The following RIIAD1 variants were observed in gnomAD, a reference collection of about 807,000 sequenced individuals.
The protein encoded by RIIAD1 is regulatory subunit of type II PKA R-subunit domain containing 1.
RIIAD1 carries 15 observed loss-of-function variants against 13.3 expected under a neutral mutation model. The ratio of observed to expected loss-of-function variants is 1.13; its 90% CI spans 0.76 to 1.74. The LOEUF (loss-of-function observed/expected upper bound fraction) is 1.74. Ranked by LOEUF, RIIAD1 falls within the 40% of genes most tolerant of loss-of-function variation. The pLI, the probability that RIIAD1 is intolerant of heterozygous loss-of-function variation, is 0.00. For missense variants in RIIAD1, 121 were observed against 112.2 expected, an observed-to-expected ratio of 1.08 and a Z score of -0.35; for synonymous variants, 50 against 43.3, an observed-to-expected ratio of 1.16 and a Z score of -0.61.
At chr1:151,721,103 C>G (rs1673725930), upstream of RIIAD1, among the ~76,000 whole-genome samples, 1 of 152,034 alleles carries the variant, frequency 6.6e-6, no homozygotes, top group South Asian at 2.1e-4. Flanking sequence ...TTGAAGAATC[C>G]ACGGCTCCAG....
chr1:151,714,294 C>T lies in RIIAD1; in HGVS notation c.-89-126C>T, dbSNP rs1673272120. 10 of 579,594 alleles carry T rather than the reference C, an allele frequency of 1.7e-5. No individual in the cohort carries two copies. In the Admixed American group the frequency reaches 2.7e-4, roughly 16 times the overall value. 35.9% of individuals were successfully genotyped at this position (579,594 alleles called of 1,614,324 possible). On this transcript the variant is annotated intron_variant, in intron 3 of 8. Coordinates refer to the RIIAD1 transcript ENST00000326413. Reference sequence around the variant, plus strand: ...GGTGTCCAGAGACTTTTCCCCACACCTTCCAACCAGCGAGTCCTCCCTCTA... The same window carrying T: ...GGTGTCCAGAGACTTTTCCCCACACTTTCCAACCAGCGAGTCCTCCCTCTA...
Position 151,721,632 on chromosome 1 carries a change from C to T in RIIAD1, c.84+12C>T. Reference sequence around the variant, plus strand: ...TGCGAAAATTCAAGGTGGGTGCGCCCGCGCCCCCATCCAGCGTCCACCAAA... The same window carrying T: ...TGCGAAAATTCAAGGTGGGTGCGCCTGCGCCCCCATCCAGCGTCCACCAAA... On this transcript the variant is annotated intron_variant, in intron 1 of 4. Coordinates refer to ENST00000479191, the MANE Select transcript of RIIAD1 (RefSeq NM_001144956.3). The T allele has an allele frequency of 1.6e-6, 2 of 1,273,358 alleles. No homozygotes were observed. Among genetic ancestry groups the T allele is most frequent in the African/African-American group, 1.5e-5 (1 of 64,608 alleles). The allele number at this position is 1,273,358 out of a possible 1,614,324, so 78.9% of individuals were successfully genotyped here.
upstream of RIIAD1, among the ~76,000 whole-genome samples, chr1:151,717,135 G>A (rs11587006): frequency 6.6e-6 from 1 of 152,090 alleles, no homozygotes; most frequent in Admixed American, 6.5e-5. Flanking sequence ...TCAGCAGATG[G>A]GGGGTGGCGG....
At chr1:151,716,329 T>C (rs907277745) in intron 4 of RIIAD1, 2 of 359,150 alleles carry the variant, frequency 5.6e-6, no homozygotes, top group South Asian at 4.5e-5. Flanking sequence ...GGCCAAGACC[T>C]GGAGGGTTAG....
upstream of RIIAD1, among the ~76,000 whole-genome samples, chr1:151,721,071 T>C (rs552346821): frequency 6.6e-6 from 1 of 152,256 alleles, no homozygotes; most frequent in Non-Finnish European, 1.5e-5. Context: ...TCACTCTATG[T>C]TCTGGGGTGC....
chr1:151,722,445 A>G (rs1673754829), intron 2 of RIIAD1, among the ~76,000 whole-genome samples: 1 of 152,128 alleles, frequency 6.6e-6, no homozygotes. Flanking sequence ...GCCCTTCCCT[A>G]CTTGAAAACA....
At chr1:151,726,332 C>T (rs1263453043) in intron 2 of RIIAD1, among the ~76,000 whole-genome samples, 1 of 152,192 alleles carries the variant, frequency 6.6e-6, no homozygotes, top group African/African-American at 2.4e-5. Context: ...TTTTTACTTA[C>T]CTGTAAATTA....
Position 151,722,348 on chromosome 1 carries a change from T to C in RIIAD1, c.161+186T>C, listed in dbSNP as rs150817345. Reference sequence around the variant, plus strand: ...TTGGCGTTGCGAAACCCAACAGCCATCCACTGGGTGTAGAACACTATTCTC... The same window carrying C: ...TTGGCGTTGCGAAACCCAACAGCCACCCACTGGGTGTAGAACACTATTCTC... On this transcript the variant is annotated intron_variant, in intron 2 of 4. Coordinates refer to ENST00000479191, the MANE Select transcript of RIIAD1 (RefSeq NM_001144956.3). 7.7e-4 allele frequency among the ~76,000 whole-genome samples: 117 copies of C among 152,380 alleles called. 2 individuals are homozygous for C. In the East Asian group the frequency reaches 0.014, roughly 19 times the overall value.
chr1:151,722,286 G>A (rs1174718435), intron 2 of RIIAD1, 124 bp downstream of exon 2: 3 of 676,462 alleles, frequency 4.4e-6, no homozygotes, highest in Non-Finnish European at 7.9e-6. Flanking sequence ...TAACCATAAG[G>A]ATAAATACAT....
At chr1:151,728,707 A>G (rs1416904143) in intron 3 of RIIAD1, 59 bp from the exon 4 acceptor site, 2 of 1,029,200 alleles carry the variant, frequency 1.9e-6, no homozygotes, top group Middle Eastern at 2.0e-4. Flanking sequence ...GTCTCCTTCC[A>G]TGGGTAAATC....
At chr1:151,716,787 T>C, upstream of RIIAD1, 2 of 461,132 alleles carry the variant, frequency 4.3e-6, no homozygotes, top group Non-Finnish European at 4.4e-6. Flanking sequence ...CCGGCCGCGC[T>C]CTCCTCAACA....
intron 2 of RIIAD1, among the ~76,000 whole-genome samples, chr1:151,712,724 C>T (rs1673124934): frequency 6.6e-6 from 1 of 152,174 alleles, no homozygotes; most frequent in South Asian, 2.1e-4. Context: ...CTCTGCAGCC[C>T]AAAATATCAC....
At chr1:151,717,076 G>T (rs746327433), upstream of RIIAD1, among the ~76,000 whole-genome samples, 1 of 152,128 alleles carries the variant, frequency 6.6e-6, no homozygotes, top group Non-Finnish European at 1.5e-5. Flanking sequence ...GAACCCTAAA[G>T]TGGGGTCCAT....
upstream of RIIAD1, among the ~76,000 whole-genome samples, chr1:151,721,036 C>T (rs1269706735): frequency 6.6e-6 from 1 of 152,184 alleles, no homozygotes; most frequent in African/African-American, 2.4e-5. Flanking sequence ...TCGGACAGAA[C>T]GTTCCTTCCT....
intron 1 of RIIAD1, among the ~76,000 whole-genome samples, chr1:151,711,624 C>A (rs576067366): frequency 1.3e-5 from 2 of 152,230 alleles, no homozygotes; most frequent in African/African-American, 4.8e-5. Flanking sequence ...CAAAGCGTGT[C>A]GTGGGGGCAG....
chr1:151,721,503 GCTCGC>G, upstream of RIIAD1: 1 of 1,275,386 alleles, frequency 7.8e-7, no homozygotes, highest in Non-Finnish European at 1.0e-6. Flanking sequence ...GGCCTCGCCG[GCTCGC>G]GGCCGGTCGC....
intron 3 of RIIAD1, among the ~76,000 whole-genome samples, 179 bp downstream of exon 3, chr1:151,727,800 G>A (rs1673860096): frequency 6.6e-6 from 1 of 152,152 alleles, no homozygotes; most frequent in South Asian, 2.1e-4. Context: ...TCCTCAAAAT[G>A]AGGACAGACA....
rs146920112 is a variant in RIIAD1, at chr1:151,728,802, A to G, written c.245A>G (p.His82Arg). The stretch of plus-strand genomic sequence containing the variant: ...GATCCAAGACTTCCCAACAAGATTC[A>G]CATGCAGCTAATTAAAGACAAGAAA... The part of the protein sequence containing the change: ...FTDPRLPNKI[H>R]MQLIKDKKAA The change falls in exon 4 of 5, where the codon CAC (histidine) becomes CGC (arginine). Residue 82 changes from histidine to arginine, a missense_variant. Physicochemically the swap from His to Arg is conservative, Grantham distance 29. Coordinates refer to ENST00000479191, the MANE Select transcript of RIIAD1 (RefSeq NM_001144956.3). The G allele has an allele frequency of 2.5e-5, 39 of 1,546,044 alleles. 1 individual carries two copies. The Middle Eastern group carries it at 2.3e-3, about 93-fold the overall frequency.
In RIIAD1 at chr1:151,728,779, T is replaced by C. The variant is rs1280598930; in HGVS notation, c.222T>C (p.Asp74=). 1 of 1,540,442 alleles carries C rather than the reference T, an allele frequency of 6.5e-7. No individual in the cohort carries two copies. The highest frequency in any genetic ancestry group is 1.2e-5 in the South Asian group (1 of 83,798). ...ILEFAADYFT[D]PRLPNKIHMQ... is the part of the protein sequence containing the mutation. The stretch of plus-strand genomic sequence containing the variant: ...TTTTTATCCCAGACTACTTCACGGA[T>C]CCAAGACTTCCCAACAAGATTCACA... Residue 74 remains aspartate, a synonymous_variant, in exon 4 of 5, where the codon GAT becomes GAC. Transcript: ENST00000479191.
Sources: gnomAD v4.1 joint callset for allele counts (sites outside exome capture counted in the v4.1 genomes callset) on GRCh38, gnomAD v4.1.1 for gene constraint, MANE v1.5 for transcripts, NCBI Gene and HGNC (gene_info 2026-07-23, HGNC 2026-07-21) for gene names.